Variants in ATRNL1 observed in about 807,000 individuals in gnomAD.
ATRNL1 encodes attractin like 1.
Under a neutral mutation model 182.7 loss-of-function variants are expected in ATRNL1, and 95 were observed. That is an observed-to-expected ratio of 0.52 (90% CI 0.44 to 0.62). The LOEUF (loss-of-function observed/expected upper bound fraction) is 0.62, where lower values mean the gene tolerates loss of function less well. Ranked by LOEUF, ATRNL1 falls within the 20% of genes least tolerant of loss-of-function variation. The pLI is 0.00. For synonymous variants in ATRNL1, 576 were observed against 568.3 expected (o/e 1.01, Z -0.19); for missense variants, 1,471 against 1,679.5 (o/e 0.88, Z 2.17).
intron 27 of ATRNL1, among the ~76,000 whole-genome samples, chr10:115,784,456 G>A: frequency 6.6e-6 from 1 of 152,208 alleles, no homozygotes; most frequent in East Asian, 1.9e-4. Flanking sequence ...ACCGAGGGTT[G>A]ACAAATGAGT....
At chr10:115,107,044 A>G (rs972412089) in intron 1 of ATRNL1, among the ~76,000 whole-genome samples, 1 of 152,178 alleles carries the variant, frequency 6.6e-6, no homozygotes, top group Non-Finnish European at 1.5e-5. Flanking sequence ...CATTCCCCTG[A>G]TAATGAACTC....
At chr10:115,100,627 T>A (rs541045107) in intron 1 of ATRNL1, among the ~76,000 whole-genome samples, 3 of 152,352 alleles carry the variant, frequency 2.0e-5, no homozygotes, top group Admixed American at 6.5e-5. Flanking sequence ...TGTATGTCAG[T>A]ACAACAATGT....
At chr10:115,632,334 TC>T (rs763066113) in intron 26 of ATRNL1, among the ~76,000 whole-genome samples, 5 of 152,080 alleles carry the variant, frequency 3.3e-5, no homozygotes, top group African/African-American at 4.8e-5. Context: ...CACTATAACT[TC>T]ATGACTGGAA....
intron 28 of ATRNL1, among the ~76,000 whole-genome samples, chr10:115,890,959 G>T (rs1952065399): frequency 1.3e-5 from 2 of 152,290 alleles, no homozygotes; most frequent in East Asian, 1.9e-4. Flanking sequence ...TACTGCAGAT[G>T]CCGACTGGGG....
intron 27 of ATRNL1, among the ~76,000 whole-genome samples, chr10:115,744,988 T>A (rs1442603138): frequency 4.6e-5 from 7 of 152,146 alleles, no homozygotes; most frequent in African/African-American, 1.7e-4. Flanking sequence ...GTGTGTGCAG[T>A]CATACAGTGA....
At chr10:115,412,316 G>A (rs1565014696) in intron 20 of ATRNL1, among the ~76,000 whole-genome samples, 1 of 152,144 alleles carries the variant, frequency 6.6e-6, no homozygotes, top group Non-Finnish European at 1.5e-5. Flanking sequence ...GCAGGCATAT[G>A]CCTAGTTAGT....
intron 8 of ATRNL1, among the ~76,000 whole-genome samples, chr10:115,198,342 C>T (rs1357687882): frequency 6.6e-6 from 1 of 151,902 alleles, no homozygotes; most frequent in African/African-American, 2.4e-5. Context: ...TGTCCTTTGC[C>T]CATGTTTTAG....
chr10:115,143,724 CAGAGAG>C (rs142946817), intron 5 of ATRNL1, among the ~76,000 whole-genome samples: 1 of 150,208 alleles, frequency 6.7e-6, no homozygotes, highest in Non-Finnish European at 1.5e-5. Flanking sequence ...AAGAGAGAGC[CAGAGAG>C]AGAGAGAGGG....
intron 26 of ATRNL1, among the ~76,000 whole-genome samples, chr10:115,665,325 AG>A (rs1391457855): frequency 2.0e-5 from 3 of 152,180 alleles, no homozygotes; most frequent in African/African-American, 7.2e-5. Context: ...GAAAAAATTG[AG>A]GCACAAAGAA....
rs555525899 is a variant in ATRNL1 at position 115,152,033 on chromosome 10, A to G, written c.830-8007A>G. 5.9e-5 allele frequency among the ~76,000 whole-genome samples: 9 copies of G among 151,980 alleles called. No homozygotes were observed. In the East Asian group the frequency reaches 1.6e-3, roughly 26 times the overall value. ...AAGATCAGATGGCTGTAGATGTGTG[A>G]TATTATTTCTGAGGGCTCTGCTCTG... On this transcript the variant is annotated intron_variant, in intron 5 of 28. Transcript: ENST00000355044.
intron 1 of ATRNL1, among the ~76,000 whole-genome samples, chr10:115,095,585 A>G (rs1197436591): frequency 1.3e-5 from 2 of 152,192 alleles, no homozygotes; most frequent in Non-Finnish European, 2.9e-5. Flanking sequence ...TAAAGGTAGT[A>G]TAGTAATGTA....
intron 27 of ATRNL1, among the ~76,000 whole-genome samples, chr10:115,802,145 A>C (rs1949813304): frequency 6.6e-6 from 1 of 152,096 alleles, no homozygotes; most frequent in East Asian, 1.9e-4. Context: ...CTCCTCCCAG[A>C]GACTACTAAG....
intron 26 of ATRNL1, among the ~76,000 whole-genome samples, chr10:115,671,098 G>C (rs60160808): frequency 0.012 from 1,763 of 152,186 alleles, 35 homozygotes; most frequent in African/African-American, 0.04. Flanking sequence ...CTAGCCAAGT[G>C]TCAGAAGGAC....
chr10:115,105,797 C>T (rs1843983085), intron 1 of ATRNL1, among the ~76,000 whole-genome samples: 2 of 152,196 alleles, frequency 1.3e-5, no homozygotes, highest in Admixed American at 1.3e-4. Context: ...GGTTTGGGAA[C>T]CTCTGTCTGC....
At chr10:115,391,876 A>C (rs1844043754) in intron 19 of ATRNL1, among the ~76,000 whole-genome samples, 2 of 152,000 alleles carry the variant, frequency 1.3e-5, no homozygotes, top group Non-Finnish European at 2.9e-5. Flanking sequence ...TATTGTCATC[A>C]GGACTCATTG....
At chr10:115,184,180 A>C (rs1847851527) in intron 8 of ATRNL1, among the ~76,000 whole-genome samples, 1 of 151,520 alleles carries the variant, frequency 6.6e-6, no homozygotes, top group Non-Finnish European at 1.5e-5. Context: ...TTGGTATTAA[A>C]AAAATCACAT....
intron 26 of ATRNL1, among the ~76,000 whole-genome samples, chr10:115,630,494 A>G (rs1858411390): frequency 6.6e-6 from 1 of 151,812 alleles, no homozygotes; most frequent in Non-Finnish European, 1.5e-5. Context: ...ATATGATCCA[A>G]CAAATCTACT....
intron 9 of ATRNL1, among the ~76,000 whole-genome samples, chr10:115,229,880 T>C (rs565709052): frequency 6.6e-6 from 1 of 152,286 alleles, no homozygotes; most frequent in Non-Finnish European, 1.5e-5. Context: ...TGATAGTATG[T>C]ATATATAGTT....
chr10:115,383,883 G>T (rs1554951887), intron 19 of ATRNL1, among the ~76,000 whole-genome samples: 5 of 151,954 alleles, frequency 3.3e-5, no homozygotes, highest in Non-Finnish European at 4.4e-5. Flanking sequence ...ATGCAGTTTT[G>T]TTTATTTTAT....
Sources: gnomAD v4.1 joint callset for allele counts (sites outside exome capture counted in the v4.1 genomes callset) on GRCh38, gnomAD v4.1.1 for gene constraint, MANE v1.5 for transcripts, NCBI Gene and HGNC (gene_info 2026-07-23, HGNC 2026-07-21) for gene names.